Variants in CHMP5 observed in about 807,000 individuals in gnomAD.
The protein encoded by CHMP5 is charged multivesicular body protein 5, also known as SNF7 domain containing 2.
A neutral mutation model predicts 33.0 loss-of-function variants in CHMP5; 17 were observed. The ratio of observed to expected loss-of-function variants is 0.52; its 90% CI spans 0.35 to 0.77. CHMP5 has a LOEUF of 0.77. Among genes scored for constraint, CHMP5 ranks in the 30% least tolerant of loss-of-function variants. The pLI is 0.01. For synonymous variants in CHMP5, 76 were observed against 90.2 expected, an observed-to-expected ratio of 0.84 and a Z score of 0.89; for missense variants, 216 against 261.5, an observed-to-expected ratio of 0.83 and a Z score of 1.20.
At chr9:33,269,434 G>T (rs1820767248) in intron 3 of CHMP5, among the ~76,000 whole-genome samples, 1 of 152,126 alleles carries the variant, frequency 6.6e-6, no homozygotes, top group African/African-American at 2.4e-5. Context: ...AACCCAGGAG[G>T]CAGAGGTTAC....
At chr9:33,277,874 C>T in intron 6 of CHMP5, 2 of 359,796 alleles carry the variant, frequency 5.6e-6, no homozygotes, top group South Asian at 7.0e-5. Context: ...TTTAATTTCC[C>T]ATCTTCAATT....
intron 2 of CHMP5, 71 bp from the exon 3 acceptor site, chr9:33,267,782 G>A: frequency 1.0e-6 from 1 of 979,400 alleles, no homozygotes; most frequent in Admixed American, 1.8e-5. Context: ...TGAGTTTGAG[G>A]CTATGGGAAA....
In CHMP5 at chr9:33,280,874, A is replaced by G. The variant is rs1324284775; in HGVS notation, c.*15A>G. The G allele has an allele frequency of 6.2e-7, 1 of 1,601,062 alleles. No individual in the cohort carries two copies. The highest frequency in any genetic ancestry group is 1.7e-5 in the Admixed American group (1 of 58,576). Reference sequence around the variant, plus strand: ...CTGCTTCATAGATTTGCATCATTCAAGCATATCTTGTAAAACAAACACATA... The same window carrying G: ...CTGCTTCATAGATTTGCATCATTCAGGCATATCTTGTAAAACAAACACATA... On this transcript the variant is annotated 3_prime_UTR_variant, in exon 8 of 8. Transcript: ENST00000223500.
At chr9:33,265,494 C>T (rs944399358) in intron 1 of CHMP5, among the ~76,000 whole-genome samples, 1 of 152,234 alleles carries the variant, frequency 6.6e-6, no homozygotes, top group African/African-American at 2.4e-5. Flanking sequence ...ACCCTTCTTC[C>T]ATCTGTCATC....
At chr9:33,270,400 A>G (rs768714249) in intron 3 of CHMP5, among the ~76,000 whole-genome samples, 11 of 152,246 alleles carry the variant, frequency 7.2e-5, no homozygotes, top group Non-Finnish European at 1.5e-4. Context: ...TAAGCGATGC[A>G]TGACTGTACA....
chr9:33,270,692 GTC>G lies in CHMP5; in HGVS notation c.293_294del (p.Ser98PhefsTer9), dbSNP rs748539615. 1 of 1,613,860 alleles carries G rather than the reference GTC, an allele frequency of 6.2e-7. No homozygotes were observed. The highest frequency in any genetic ancestry group is 1.1e-5 in the South Asian group (1 of 91,072). ...TGGAACAAGCCAATTATACCATCCAGTCTTTGAAGGACACCAAGACCACGGTA... is the reference window on the plus strand; with the variant it reads ...TGGAACAAGCCAATTATACCATCCAGTTTGAAGGACACCAAGACCACGGTA... Reference protein sequence around the residue: ...NMEQANYTIQSLKDTKTTVDA... With the variant: ...NMEQANYTIQXLKDTKTTVDA... On this transcript the variant is annotated frameshift_variant, in exon 4 of 8. Transcript: ENST00000223500. LOFTEE classifies it high-confidence loss of function.
intron 1 of CHMP5, 48 bp downstream of exon 1, chr9:33,265,195 C>T (rs1054154057): frequency 1.3e-6 from 2 of 1,575,498 alleles, no homozygotes; most frequent in Non-Finnish European, 1.7e-6. Flanking sequence ...CTGACACACC[C>T]GACCCCGCCC....
At chr9:33,272,571 G>A (rs989980802) in intron 5 of CHMP5, among the ~76,000 whole-genome samples, 7 of 152,062 alleles carry the variant, frequency 4.6e-5, no homozygotes, top group African/African-American at 7.2e-5. Flanking sequence ...TTGGGAGGCC[G>A]AGGCGGGTGG....
chr9:33,268,260 T>C (rs370624325), intron 3 of CHMP5, among the ~76,000 whole-genome samples: 6 of 152,284 alleles, frequency 3.9e-5, no homozygotes, highest in African/African-American at 1.4e-4. Flanking sequence ...TGTTTTGGAC[T>C]GACCAGATCT....
At chr9:33,278,896 G>A (rs183732740) in intron 7 of CHMP5, among the ~76,000 whole-genome samples, 1 of 152,170 alleles carries the variant, frequency 6.6e-6, no homozygotes, top group Non-Finnish European at 1.5e-5. Flanking sequence ...AAAGGACTGT[G>A]CAAACTTAAA....
chr9:33,267,082 G>A (rs1486827160), intron 2 of CHMP5, among the ~76,000 whole-genome samples: 3 of 152,222 alleles, frequency 2.0e-5, no homozygotes, highest in East Asian at 3.8e-4. Flanking sequence ...GATGTGACCT[G>A]TGTACCACTA....
chr9:33,276,808 G>C (rs1820860264), intron 6 of CHMP5, among the ~76,000 whole-genome samples: 1 of 152,210 alleles, frequency 6.6e-6, no homozygotes. Flanking sequence ...CTTGGTATCT[G>C]TAAGTGTCCT....
At chr9:33,276,856 G>C (rs1820860871) in intron 6 of CHMP5, among the ~76,000 whole-genome samples, 1 of 152,046 alleles carries the variant, frequency 6.6e-6, no homozygotes. Flanking sequence ...TTTTGATTTT[G>C]TTCTCACTAT....
chr9:33,278,241 G>C lies in CHMP5; in HGVS notation c.609+16G>C. ...AAAAAACAAGGTGAAAGCTTTTTCT[G>C]TTTATATTTCAATGCAAAATAGCAA... On this transcript the variant is annotated intron_variant, in intron 7 of 7. Transcript: ENST00000223500. 1 of 1,484,456 alleles carries C rather than the reference G, an allele frequency of 6.7e-7. No homozygotes were observed. Among genetic ancestry groups the C allele is most frequent in the South Asian group, 1.2e-5 (1 of 85,718 alleles). The allele number at this position is 1,484,456 out of a possible 1,614,324, so 92.0% of individuals were successfully genotyped here.
In CHMP5 at chr9:33,278,252, A is replaced by T. The variant is rs755081733; in HGVS notation, c.609+27A>T. The T allele has an allele frequency of 3.0e-6, 4 of 1,338,400 alleles. No homozygotes were observed. The South Asian group carries it at 4.9e-5, about 16-fold the overall frequency. 82.9% of individuals were successfully genotyped at this position (1,338,400 alleles called of 1,614,324 possible). On this transcript the variant is annotated intron_variant, in intron 7 of 7. Coordinates refer to ENST00000223500, the MANE Select transcript of CHMP5 (RefSeq NM_016410.6). The stretch of plus-strand genomic sequence containing the variant: ...TGAAAGCTTTTTCTGTTTATATTTC[A>T]ATGCAAAATAGCAAAGGCTTTATGC...
chr9:33,267,276 A>G (rs1465018498), intron 2 of CHMP5, among the ~76,000 whole-genome samples: 1 of 152,228 alleles, frequency 6.6e-6, no homozygotes, highest in Non-Finnish European at 1.5e-5. Flanking sequence ...GAGGTAGGAA[A>G]GCCCATTTAG....
At chr9:33,276,869 T>C (rs1238011160) in intron 6 of CHMP5, among the ~76,000 whole-genome samples, 3 of 152,130 alleles carry the variant, frequency 2.0e-5, no homozygotes, top group Non-Finnish European at 2.9e-5. Flanking sequence ...CTCACTATTT[T>C]CCTAGTTGGA....
intron 2 of CHMP5, among the ~76,000 whole-genome samples, chr9:33,266,444 C>A (rs1466989370): frequency 6.6e-6 from 1 of 152,150 alleles, no homozygotes; most frequent in Non-Finnish European, 1.5e-5. Flanking sequence ...AGCACTCTAG[C>A]CCAAGTGACA....
chr9:33,269,929 G>C (rs548205359), intron 3 of CHMP5, among the ~76,000 whole-genome samples: 1 of 152,044 alleles, frequency 6.6e-6, no homozygotes, highest in African/African-American at 2.4e-5. Flanking sequence ...AGCCGAGATC[G>C]TACCATTGCA....
Sources: allele counts gnomAD v4.1 joint callset (sites outside exome capture counted in the v4.1 genomes callset), GRCh38; gene constraint gnomAD v4.1.1; transcripts MANE v1.5; gene names NCBI Gene and HGNC (gene_info 2026-07-23, HGNC 2026-07-21).